ZC3HAV1: variants seen among roughly 807,000 people sequenced by gnomAD.
The protein encoded by ZC3HAV1 is zinc finger CCCH-type containing, antiviral 1.
Under a neutral mutation model 86.6 loss-of-function variants are expected in ZC3HAV1, and 41 were observed. The observed-to-expected ratio is 0.47, with a 90% CI of 0.37 to 0.61. The LOEUF (loss-of-function observed/expected upper bound fraction) is 0.61, where lower values mean the gene tolerates loss of function less well. Among genes scored for constraint, ZC3HAV1 ranks in the 20% least tolerant of loss-of-function variants. The pLI, the probability that ZC3HAV1 is intolerant of heterozygous loss-of-function variation, is 0.00. For missense variants in ZC3HAV1, 964 were observed against 1,141.1 expected (o/e 0.84, Z 2.24); for synonymous variants, 421 against 432.1 (o/e 0.97, Z 0.32).
At chr7:139,100,226 A>C (rs955537244) in intron 1 of ZC3HAV1, among the ~76,000 whole-genome samples, 2 of 152,068 alleles carry the variant, frequency 1.3e-5, no homozygotes, top group African/African-American at 4.8e-5. Context: ...TCCAGAATAT[A>C]TAAAGAATTA....
chr7:139,103,343 C>G (rs1480487485), intron 1 of ZC3HAV1, among the ~76,000 whole-genome samples: 1 of 150,874 alleles, frequency 6.6e-6, no homozygotes, highest in African/African-American at 2.4e-5. Context: ...GTCCTCAATC[C>G]TCTCATCTTG....
intron 7 of ZC3HAV1, among the ~76,000 whole-genome samples, chr7:139,067,693 A>G (rs1816646323): frequency 1.3e-5 from 2 of 152,220 alleles, no homozygotes; most frequent in Non-Finnish European, 2.9e-5. Context: ...ATGTAACAAA[A>G]TTACATTCGT....
intron 12 of ZC3HAV1, among the ~76,000 whole-genome samples, chr7:139,050,913 AG>A (rs1430619364): frequency 3.3e-5 from 5 of 152,208 alleles, no homozygotes; most frequent in Admixed American, 2.0e-4. Context: ...ATGCGCTTAC[AG>A]TCAAGTTTAG....
intron 6 of ZC3HAV1, among the ~76,000 whole-genome samples, chr7:139,076,063 T>C (rs983224323): frequency 2.6e-5 from 4 of 152,192 alleles, no homozygotes; most frequent in Non-Finnish European, 4.4e-5. Context: ...ATTCCCAGGA[T>C]CTCTGGTATT....
chr7:139,052,344 A>C (rs569165563), intron 12 of ZC3HAV1, among the ~76,000 whole-genome samples: 1 of 135,628 alleles, frequency 7.4e-6, no homozygotes, highest in South Asian at 2.3e-4. Context: ...AGTGGCTCAC[A>C]CCTGTAATCC....
intron 1 of ZC3HAV1, among the ~76,000 whole-genome samples, chr7:139,093,130 T>C (rs1817480388): frequency 6.6e-6 from 1 of 152,106 alleles, no homozygotes; most frequent in African/African-American, 2.4e-5. Flanking sequence ...TAATCCTACT[T>C]TGGGAAACTG....
Position 139,080,008 on chromosome 7 carries a change from G to A in ZC3HAV1, c.933C>T (p.Gly311=), listed in dbSNP as rs1336155735. ...CTCCAAGATCAGTAGCCTTGGACGA[G>A]CCTGAGGGAGGCCGAGCGCGATCCT... ...GSQDRARPPS[G]SSKATDLGGT... is the part of the protein sequence containing the mutation. The change falls in exon 4 of 13, where the codon GGC becomes GGT. Residue 311 remains glycine (G), a synonymous_variant. Coordinates refer to ENST00000242351, the MANE Select transcript of ZC3HAV1 (RefSeq NM_020119.4). 2 of 1,614,198 alleles carry A rather than the reference G, an allele frequency of 1.2e-6. No homozygotes were observed.
chr7:139,097,401 C>CATATATATATATATATATATATAT (rs1183885767), intron 1 of ZC3HAV1, among the ~76,000 whole-genome samples: 9 of 63,852 alleles, frequency 1.4e-4, no homozygotes, highest in East Asian at 6.2e-4. Flanking sequence ...ATTGGAACTC[C>CATATATATATATATATATATATAT]ATATATATAT....
At position 139,108,706 on chromosome 7, in the gene ZC3HAV1, T is replaced by C. The variant is rs756930081; in HGVS notation, c.308+318A>G. Among the ~76,000 whole-genome samples the C allele has an allele frequency of 1.4e-4, 21 of 151,934 alleles. No homozygotes were observed. Among genetic ancestry groups the C allele is most frequent in the Non-Finnish European group, 2.8e-4 (19 of 67,962 alleles). On this transcript the variant is annotated intron_variant, in intron 1 of 12. Coordinates refer to ENST00000242351, the MANE Select transcript of ZC3HAV1 (RefSeq NM_020119.4). This position sits in a 1 kb window ranked among gnomAD's most constrained non-coding sequence, Gnocchi z 4.2. ...ACCGCTTCTCTAGGCCCTGGCTGGC[T>C]CCAGAGCACTTTATTCTTCTGATTC...
intron 9 of ZC3HAV1, among the ~76,000 whole-genome samples, chr7:139,060,079 G>A (rs1161222050): frequency 6.6e-6 from 1 of 152,200 alleles, no homozygotes; most frequent in African/African-American, 2.4e-5. Flanking sequence ...CTAGGCTGCT[G>A]CAGTTCTAAA....
chr7:139,092,488 G>A (rs180933083), intron 1 of ZC3HAV1, among the ~76,000 whole-genome samples: 2 of 152,350 alleles, frequency 1.3e-5, no homozygotes, highest in Admixed American at 6.5e-5. Context: ...CAGCCCAGAC[G>A]TCCTGAACTT....
At chr7:139,060,979 C>T in intron 9 of ZC3HAV1, 57 bp downstream of exon 9, 1 of 1,610,076 alleles carries the variant, frequency 6.2e-7, no homozygotes, top group Non-Finnish European at 8.5e-7. Context: ...ACTTGATGAG[C>T]CCAGGGCATG....
intron 9 of ZC3HAV1, among the ~76,000 whole-genome samples, chr7:139,057,286 T>G (rs1034374525): frequency 6.9e-6 from 1 of 144,320 alleles, no homozygotes; most frequent in Non-Finnish European, 1.5e-5. Context: ...TGAATCCAGG[T>G]GTTTGAGGCT....
chr7:139,095,067 G>C (rs1817544834), intron 1 of ZC3HAV1, among the ~76,000 whole-genome samples: 1 of 150,998 alleles, frequency 6.6e-6, no homozygotes, highest in Non-Finnish European at 1.5e-5. Context: ...CACCTAATAG[G>C]GTTGGCAAAA....
chr7:139,061,718 T>C (rs2130678018), intron 8 of ZC3HAV1, among the ~76,000 whole-genome samples: 1 of 152,342 alleles, frequency 6.6e-6, no homozygotes, highest in East Asian at 1.9e-4. Flanking sequence ...TTTCTGGGTA[T>C]TTACCCAAGA....
At chr7:139,090,566 G>GT (rs1169573656) in intron 1 of ZC3HAV1, among the ~76,000 whole-genome samples, 3 of 151,928 alleles carry the variant, frequency 2.0e-5, no homozygotes, top group African/African-American at 7.3e-5. Flanking sequence ...CATTTATTCT[G>GT]TTTTTTCCTA....
chr7:139,062,685 T>A (rs970146552), intron 8 of ZC3HAV1, among the ~76,000 whole-genome samples: 22 of 152,204 alleles, frequency 1.4e-4, no homozygotes, highest in Non-Finnish European at 3.2e-4. Context: ...CAGCTGGCAC[T>A]CAGATACTAG....
intron 1 of ZC3HAV1, among the ~76,000 whole-genome samples, chr7:139,097,030 G>T (rs1265859587): frequency 6.6e-6 from 1 of 151,794 alleles, no homozygotes; most frequent in African/African-American, 2.4e-5. Flanking sequence ...GCTGAGGTGG[G>T]AGGATTGCTT....
At chr7:139,092,091 A>T (rs1328988424) in intron 1 of ZC3HAV1, among the ~76,000 whole-genome samples, 1 of 152,240 alleles carries the variant, frequency 6.6e-6, no homozygotes, top group East Asian at 1.9e-4. Flanking sequence ...ATAAATGGTT[A>T]CAAGAAAGTA....
Sources: allele counts gnomAD v4.1 joint callset (sites outside exome capture counted in the v4.1 genomes callset), GRCh38; gene constraint gnomAD v4.1.1; non-coding constraint Gnocchi (gnomAD v3.1); transcripts MANE v1.5; gene names NCBI Gene and HGNC (gene_info 2026-07-23, HGNC 2026-07-21).